CSMD1: variants seen among roughly 807,000 people sequenced by gnomAD.
The protein encoded by CSMD1 is CUB and sushi domain-containing protein 1.
CSMD1 carries 213 observed loss-of-function variants against 417.5 expected under a neutral mutation model. That is an observed-to-expected ratio of 0.51 (90% CI 0.46 to 0.57). The LOEUF is 0.57. Ranked by LOEUF, CSMD1 falls within the 20% of genes least tolerant of loss-of-function variation. The pLI, the probability that CSMD1 is intolerant of heterozygous loss-of-function variation, is 0.00. For missense variants in CSMD1, 6,923 were observed against 4,529.7 expected (o/e 1.53, Z -15.17); for synonymous variants, 2,862 against 1,736.8 (o/e 1.65, Z -16.11).
chr8:4,048,440 T>A (rs1376962831), intron 3 of CSMD1, among the ~76,000 whole-genome samples: 1 of 152,202 alleles, frequency 6.6e-6, no homozygotes, highest in Non-Finnish European at 1.5e-5. Flanking sequence ...AACTCTCCTA[T>A]TTTCCCAACA....
chr8:4,992,604 G>A (rs1343028995), intron 1 of CSMD1, among the ~76,000 whole-genome samples: 1 of 152,128 alleles, frequency 6.6e-6, no homozygotes, highest in Non-Finnish European at 1.5e-5. Context: ...CGACACACAC[G>A]CCCCAGCACA....
chr8:4,787,672 G>C (rs547961127), intron 1 of CSMD1: 2 of 1,589,284 alleles, frequency 1.3e-6, no homozygotes, highest in African/African-American at 2.7e-5. Flanking sequence ...AAGGATATAA[G>C]TTTACCCACC....
intron 3 of CSMD1, among the ~76,000 whole-genome samples, chr8:4,234,768 A>G (rs1415849243): frequency 6.6e-6 from 1 of 152,126 alleles, no homozygotes; most frequent in East Asian, 1.9e-4. Flanking sequence ...AGAACAAAAG[A>G]TCTGGGCTAA....
chr8:3,461,953 C>T lies in CSMD1; in HGVS notation c.1561+6759G>A, dbSNP rs529448703. Among the ~76,000 whole-genome samples, 5 of 152,272 alleles carry T rather than the reference C, an allele frequency of 3.3e-5. No individual in the cohort carries two copies. In the South Asian group the frequency reaches 6.2e-4, roughly 19 times the overall value. On this transcript the variant is annotated intron_variant, in intron 12 of 69. Coordinates refer to ENST00000635120, the MANE Select transcript of CSMD1 (RefSeq NM_033225.6). ...TAAGGAGGCAGATCCTCACATGGGC[C>T]GGACAGGAGGGTGGCGGTGAGGTGA...
At chr8:4,610,923 A>G (rs1014954484) in intron 2 of CSMD1, among the ~76,000 whole-genome samples, 2 of 152,236 alleles carry the variant, frequency 1.3e-5, no homozygotes, top group Admixed American at 1.3e-4. Flanking sequence ...TAATGACATA[A>G]CTATGTTGGA....
chr8:3,151,199 T>C (rs1424737400), intron 40 of CSMD1, 198 bp downstream of exon 40: 2 of 501,604 alleles, frequency 4.0e-6, no homozygotes, highest in South Asian at 3.2e-5. Context: ...TTGAAAAGAG[T>C]TGCATGGCTT....
intron 5 of CSMD1, among the ~76,000 whole-genome samples, chr8:3,942,268 T>G (rs1326985306): frequency 6.6e-6 from 1 of 152,118 alleles, no homozygotes; most frequent in Non-Finnish European, 1.5e-5. Context: ...GCACCATAAA[T>G]GTAATGCGCT....
intron 5 of CSMD1, among the ~76,000 whole-genome samples, chr8:3,837,276 T>C (rs10156311): frequency 4.6e-5 from 7 of 151,576 alleles, no homozygotes; most frequent in South Asian, 4.1e-4. Context: ...TTTTATTAGA[T>C]AGATGAATCT....
rs191615926 is a variant in CSMD1 at position 4,581,209 on chromosome 8, G to A, written c.302+56133C>T. Among the ~76,000 whole-genome samples, 139 of 152,228 alleles carry A rather than the reference G, an allele frequency of 9.1e-4. 2 individuals are homozygous for A. The highest frequency in any genetic ancestry group is 4.1e-4 in the Non-Finnish European group (28 of 67,998). The stretch of plus-strand genomic sequence containing the variant: ...GTTGACTTGTTGATAAAACTAATTT[G>A]GCAATGAAAAGAATGTTTCATATAA... On this transcript the variant is annotated intron_variant, in intron 2 of 69. Transcript: ENST00000635120.
chr8:4,185,367 T>A (rs954884908), intron 3 of CSMD1, among the ~76,000 whole-genome samples: 1 of 152,000 alleles, frequency 6.6e-6, no homozygotes, highest in Non-Finnish European at 1.5e-5. Context: ...GAAGATTAAA[T>A]TGGACAGGGC....
At chr8:4,589,304 G>A (rs1342955263) in intron 2 of CSMD1, among the ~76,000 whole-genome samples, 2 of 152,128 alleles carry the variant, frequency 1.3e-5, no homozygotes, top group Non-Finnish European at 2.9e-5. Context: ...CAATAAGAAT[G>A]ATGCCTCAGT....
chr8:3,059,307 C>T (rs889353445), intron 49 of CSMD1, among the ~76,000 whole-genome samples: 3 of 150,704 alleles, frequency 2.0e-5, no homozygotes, highest in Admixed American at 6.6e-5. Context: ...ACCAAAAACA[C>T]GAGGGCTTCT....
intron 26 of CSMD1, among the ~76,000 whole-genome samples, chr8:3,236,928 A>T (rs1799188032): frequency 6.6e-6 from 1 of 152,002 alleles, no homozygotes; most frequent in Non-Finnish European, 1.5e-5. Context: ...ATCTCAAGTC[A>T]CAGAGGCACT....
At chr8:4,202,031 G>A (rs1475794463) in intron 3 of CSMD1, among the ~76,000 whole-genome samples, 1 of 152,126 alleles carries the variant, frequency 6.6e-6, no homozygotes, top group East Asian at 1.9e-4. Context: ...GAGGACATTG[G>A]AATCTCCCAG....
chr8:3,554,415 G>C (rs1319136692), intron 10 of CSMD1, among the ~76,000 whole-genome samples: 1 of 152,216 alleles, frequency 6.6e-6, no homozygotes, highest in Non-Finnish European at 1.5e-5. Flanking sequence ...CCCTCTGGGG[G>C]TCTGGGGAGA....
chr8:3,313,178 C>G (rs1000033917), intron 23 of CSMD1, among the ~76,000 whole-genome samples: 6 of 152,180 alleles, frequency 3.9e-5, no homozygotes, highest in Admixed American at 2.6e-4. Flanking sequence ...AGAAGAAAAC[C>G]TAGGCAATAC....
At chr8:4,263,432 T>G (rs1043401160) in intron 3 of CSMD1, among the ~76,000 whole-genome samples, 2 of 152,188 alleles carry the variant, frequency 1.3e-5, no homozygotes, top group Non-Finnish European at 2.9e-5. Context: ...AAACATCGTA[T>G]GGGACTGCTT....
At chr8:4,856,129 A>G (rs909673719) in intron 1 of CSMD1, among the ~76,000 whole-genome samples, 2 of 151,590 alleles carry the variant, frequency 1.3e-5, no homozygotes, top group Non-Finnish European at 2.9e-5. Context: ...TAAAGACAAG[A>G]ATTTTCAACC....
intron 23 of CSMD1, among the ~76,000 whole-genome samples, chr8:3,318,790 G>A (rs1330123211): frequency 6.6e-6 from 1 of 152,126 alleles, no homozygotes; most frequent in Non-Finnish European, 1.5e-5. Context: ...GCACAGGGCA[G>A]CCCACACACA....
Sources: gnomAD v4.1 joint callset for allele counts (sites outside exome capture counted in the v4.1 genomes callset) on GRCh38, gnomAD v4.1.1 for gene constraint, MANE v1.5 for transcripts, NCBI Gene and HGNC (gene_info 2026-07-23, HGNC 2026-07-21) for gene names.